Variants in TCF7 observed in about 807,000 individuals in gnomAD.
TCF7 encodes transcription factor 7.
In TCF7, 19 loss-of-function variants were observed where a neutral mutation model predicts 46.8. That is an observed-to-expected ratio of 0.41 (90% CI 0.28 to 0.60). The LOEUF (loss-of-function observed/expected upper bound fraction) is 0.60. Among genes scored for constraint, TCF7 ranks in the 20% least tolerant of loss-of-function variants. The pLI, the probability that TCF7 is intolerant of heterozygous loss-of-function variation, is 0.35. For missense variants in TCF7, 547 were observed against 504.6 expected, an observed-to-expected ratio of 1.08 and a Z score of -0.81; for synonymous variants, 245 against 213.4, an observed-to-expected ratio of 1.15 and a Z score of -1.29.
chr5:134,123,511 A>AGAGAGGGGCCTGCACAGGT (rs1359411098), intron 3 of TCF7: 1 of 347,316 alleles, frequency 2.9e-6, no homozygotes, highest in Non-Finnish European at 5.7e-6. Context: ...GAGGCTCCTG[A>AGAGAGGGGCCTGCACAGGT]GAGAGGGGCC....
exon 10 of TCF7, chr5:134,148,209 G>GGTTT (rs146713649): frequency 6.6e-6 from 1 of 152,528 alleles, no homozygotes; most frequent in East Asian, 1.9e-4. Context: ...CTTTTTACTG[G>GGTTT]GTTTGTTTTT....
At position 134,138,939 on chromosome 5, in the gene TCF7, TCTC is replaced by T. The variant is rs1759310117; in HGVS notation, c.548-8_548-6del. The T allele has an allele frequency of 1.9e-6, 3 of 1,613,484 alleles. 1 individual carries two copies. The highest frequency in any genetic ancestry group is 3.3e-5 in the Admixed American group (2 of 59,982). ...CAGGCTAGCCCACTCACTCAGCTTC[TCTC>T]CTCTGCAGTTCACAGGCCTCTGCAG... On this transcript the variant is annotated splice_polypyrimidine_tract_variant and intron_variant, in intron 4 of 9. Transcript: ENST00000342854.
At chr5:134,108,829 T>G in the TCF7 span, among the ~76,000 whole-genome samples, 3 of 152,138 alleles carry the variant, frequency 2.0e-5, no homozygotes, top group Non-Finnish European at 2.9e-5. Context: ...AGGGACCCTA[T>G]GGGGTCAAAG....
chr5:134,142,070 G>A (rs914535096), intron 5 of TCF7, 115 bp from the exon 6 acceptor site: 5 of 1,419,006 alleles, frequency 3.5e-6, no homozygotes, highest in Non-Finnish European at 4.9e-6. Flanking sequence ...GTAGGATAGA[G>A]TATCTATCTG....
At chr5:134,118,244 A>T (rs1756097040) in intron 3 of TCF7, among the ~76,000 whole-genome samples, 1 of 152,156 alleles carries the variant, frequency 6.6e-6, no homozygotes, top group Non-Finnish European at 1.5e-5. Context: ...CCTGAGGAAA[A>T]ACTGCCTTTG....
chr5:134,138,110 C>G lies in TCF7; in HGVS notation c.493C>G (p.His165Asp), dbSNP rs1473603743. 1.9e-6 allele frequency: 3 copies of G among 1,613,280 alleles called. No homozygotes were observed. Among genetic ancestry groups the G allele is most frequent in the Admixed American group, 3.3e-5 (2 of 59,936 alleles). ...TGTCCCCCAACTCTCTCTCTACGAACATTTCAACAGCCCACATCCCACCCC... is the reference window on the plus strand; with the variant it reads ...TGTCCCCCAACTCTCTCTCTACGAAGATTTCAACAGCCCACATCCCACCCC... ...HGVPQLSLYE[H>D]FNSPHPTPAP... Residue 165 changes from histidine to aspartate, a missense_variant, in exon 4 of 10, where the codon CAT becomes GAT. This residue lies in a region of TCF7 where 425 missense variants were observed against 349.9 expected (regional missense o/e 1.21). Coordinates refer to ENST00000342854, the MANE Select transcript of TCF7 (RefSeq NM_003202.5).
chr5:134,128,034 GC>G (rs1349384227), intron 3 of TCF7, among the ~76,000 whole-genome samples: 2 of 152,216 alleles, frequency 1.3e-5, no homozygotes, highest in African/African-American at 4.8e-5. Context: ...AGAGAGACTT[GC>G]GCCTAGTGGG....
At chr5:134,143,894 C>T (rs967765318) in intron 9 of TCF7, 11 of 492,360 alleles carry the variant, frequency 2.2e-5, no homozygotes, top group East Asian at 1.4e-4. Flanking sequence ...CGTTCCTCTG[C>T]CTTGCACCCA....
chr5:134,114,645 G>T (rs1755541881), upstream of TCF7: 1 of 149,626 alleles, frequency 6.7e-6, no homozygotes, highest in Non-Finnish European at 1.5e-5. Flanking sequence ...CCCGCCCCCG[G>T]CCCGGCCCGC....
intron 9 of TCF7, chr5:134,145,021 T>A (rs137975486): frequency 5.7e-6 from 4 of 699,972 alleles, no homozygotes; most frequent in Non-Finnish European, 1.0e-5. Context: ...AGAATAGTAG[T>A]AAATACTGAA....
intron 3 of TCF7, among the ~76,000 whole-genome samples, chr5:134,128,042 TG>T (rs1249572631): frequency 6.6e-6 from 1 of 152,190 alleles, no homozygotes; most frequent in Admixed American, 6.5e-5. Context: ...TTGCGCCTAG[TG>T]GGTACTGGAG....
intron 3 of TCF7, among the ~76,000 whole-genome samples, chr5:134,133,317 A>G (rs944113988): frequency 1.9e-4 from 29 of 152,058 alleles, no homozygotes; most frequent in South Asian, 4.2e-4. Flanking sequence ...AGGGCAAGAG[A>G]GATGAAGGTG....
At position 134,146,340 on chromosome 5, in the gene TCF7, C is replaced by G. The variant is rs1465875000; in HGVS notation, c.*37C>G. On this transcript the variant is annotated 3_prime_UTR_variant, in exon 10 of 10. Coordinates refer to ENST00000342854, the MANE Select transcript of TCF7 (RefSeq NM_003202.5). ...TCCCCAGCTCCCCAGGACTCACCCT[C>G]ATACCATCTGCTGCCCCGCTTCCCC... 1 of 1,610,672 alleles carries G rather than the reference C, an allele frequency of 6.2e-7. No homozygotes were observed.
intron 2 of TCF7, 86 bp downstream of exon 2, chr5:134,115,473 C>T (rs1425708535): frequency 1.3e-6 from 2 of 1,518,234 alleles, no homozygotes; most frequent in Admixed American, 4.1e-5. Flanking sequence ...CGCGGGGAGC[C>T]GGGTGCCTCC....
Position 134,115,158 on chromosome 5 carries a change from G to A in TCF7, c.249+3G>A. On this transcript the variant is annotated splice_donor_region_variant and intron_variant, in intron 1 of 9. Coordinates refer to ENST00000342854, the MANE Select transcript of TCF7 (RefSeq NM_003202.5). ...CCGGGGCCCGCGGCGAGGCCGAGGT[G>A]AGCCCCCGCCGGCGCCGGCTCCTCC... The A allele has an allele frequency of 9.8e-7, 1 of 1,023,466 alleles. No homozygotes were observed. Among genetic ancestry groups the A allele is most frequent in the Non-Finnish European group, 1.2e-6 (1 of 855,582 alleles). 63.4% of individuals were successfully genotyped at this position (1,023,466 alleles called of 1,614,324 possible). A position where few individuals can be genotyped will look rare whatever the true frequency, so the allele number is the denominator to read the frequency against.
chr5:134,114,347 T>G (rs961454026), upstream of TCF7, among the ~76,000 whole-genome samples: 1 of 152,052 alleles, frequency 6.6e-6, no homozygotes, highest in Non-Finnish European at 1.5e-5. Context: ...ACACCACGGC[T>G]GCGATGGTAA....
rs938697998 is a variant in TCF7 at position 134,115,604 on chromosome 5, G to C, written c.316+217G>C. 3.5e-6 allele frequency: 5 copies of C among 1,431,326 alleles called. No homozygotes were observed. The African/African-American group carries it at 4.4e-5, about 12-fold the overall frequency. 88.7% of individuals were successfully genotyped at this position (1,431,326 alleles called of 1,614,324 possible). A position where few individuals can be genotyped will look rare whatever the true frequency, so the allele number is the denominator to read the frequency against. On this transcript the variant is annotated intron_variant, in intron 2 of 9. Coordinates refer to ENST00000342854, the MANE Select transcript of TCF7 (RefSeq NM_003202.5). The stretch of plus-strand genomic sequence containing the variant: ...CCTTTATAGGAGTAAACAGACCCCC[G>C]CCATCCCCGCCTCCCCTCCTGCCCA...
intron 3 of TCF7, among the ~76,000 whole-genome samples, chr5:134,120,782 A>G (rs1157049346): frequency 6.6e-6 from 1 of 152,186 alleles, no homozygotes; most frequent in Non-Finnish European, 1.5e-5. Flanking sequence ...ACTGCTTTAC[A>G]ATGCACTCAC....
intron 9 of TCF7, chr5:134,144,496 A>G (rs1760374251): frequency 5.0e-6 from 2 of 399,392 alleles, no homozygotes; most frequent in Non-Finnish European, 9.3e-6. Context: ...TGCAGCCTCC[A>G]TGCTGCAAGG....
Sources: allele counts gnomAD v4.1 joint callset (sites outside exome capture counted in the v4.1 genomes callset), GRCh38; gene constraint gnomAD v4.1.1; regional missense constraint gnomAD v4.1.1; transcripts MANE v1.5; gene names NCBI Gene and HGNC (gene_info 2026-07-23, HGNC 2026-07-21).